NBEAL1: variants seen among roughly 807,000 people sequenced by gnomAD.
NBEAL1 encodes the protein neurobeachin like 1, also known as neurobeachin-like protein 1.
In NBEAL1, 273 loss-of-function variants were observed where a neutral mutation model predicts 351.3. The observed-to-expected ratio is 0.78, with a 90% CI of 0.70 to 0.86. NBEAL1 has a LOEUF of 0.86. Ranked by LOEUF, NBEAL1 falls within the 40% of genes least tolerant of loss-of-function variation. The pLI is 0.00. For missense variants in NBEAL1, 2,961 were observed against 3,201.3 expected (o/e 0.92, Z 1.81); for synonymous variants, 1,050 against 1,086.4 (o/e 0.97, Z 0.66).
intron 10 of NBEAL1, among the ~76,000 whole-genome samples, chr2:203,087,392 C>T (rs1315663881): frequency 1.3e-5 from 2 of 151,972 alleles, no homozygotes; most frequent in South Asian, 2.1e-4. Context: ...AGCCCGGCCC[C>T]TTTTCACCCT....
intron 1 of NBEAL1, chr2:203,015,830 G>C (rs893453499): frequency 6.6e-6 from 1 of 152,360 alleles, no homozygotes; most frequent in African/African-American, 2.4e-5. Flanking sequence ...TGAAATGTCT[G>C]AGATGTGGGC....
At position 203,066,930 on chromosome 2, in the gene NBEAL1, A is replaced by G. The variant is rs1574922619; in HGVS notation, c.516-1463A>G. On this transcript the variant is annotated intron_variant, in intron 6 of 55. Transcript: ENST00000683969. ...CAGAGGCGCTCCCCACCTCCCAGACAAAGGGCAGCCGGGCAGAGGCGCTCC... is the reference window on the plus strand; with the variant it reads ...CAGAGGCGCTCCCCACCTCCCAGACGAAGGGCAGCCGGGCAGAGGCGCTCC... Among the ~76,000 whole-genome samples the G allele has an allele frequency of 6.4e-5, 8 of 125,010 alleles. No homozygotes were observed. The South Asian group carries it at 2.3e-3, about 36-fold the overall frequency. 82.0% of individuals were successfully genotyped at this position (125,010 alleles called of 152,430 possible). A position where few individuals can be genotyped will look rare whatever the true frequency, so the allele number is the denominator to read the frequency against.
At position 203,223,308 on chromosome 2, in the gene NBEAL1, C is replaced by T. The variant is rs567972917; in HGVS notation, c.*5954C>T. ...AATTCAATATTTGTTTTTCATGGTA[C>T]GGTTTTCATGTTTCCTTGGAAACAT... On this transcript the variant is annotated 3_prime_UTR_variant, in exon 56 of 56. Transcript: ENST00000683969. Among the ~76,000 whole-genome samples, 10 of 152,080 alleles carry T rather than the reference C, an allele frequency of 6.6e-5. No individual in the cohort carries two copies. Among genetic ancestry groups the T allele is most frequent in the Admixed American group, 3.9e-4 (6 of 15,258 alleles).
chr2:203,065,264 GA>G (rs551339865), intron 6 of NBEAL1, among the ~76,000 whole-genome samples: 9 of 149,724 alleles, frequency 6.0e-5, no homozygotes, highest in African/African-American at 1.2e-4. Flanking sequence ...GTCTCTAAAA[GA>G]AAAAAAAAAT....
chr2:203,126,210 AATGG>A, intron 21 of NBEAL1, 117 bp downstream of exon 21: 2 of 1,046,164 alleles, frequency 1.9e-6, no homozygotes, highest in African/African-American at 1.7e-5. Context: ...GAATTATATT[AATGG>A]ATATAATTTG....
chr2:203,217,228 C>T, intron 55 of NBEAL1, 25 bp from the exon 56 acceptor site: 2 of 1,456,300 alleles, frequency 1.4e-6, no homozygotes, highest in Non-Finnish European at 9.1e-7. Context: ...ATTTATTCTT[C>T]ATTTCTTTGG....
chr2:203,040,365 C>G, intron 2 of NBEAL1: 1 of 711,856 alleles, frequency 1.4e-6, no homozygotes, highest in Non-Finnish European at 2.5e-6. Context: ...ATAAACATGC[C>G]ATGGCCTTTG....
intron 18 of NBEAL1, among the ~76,000 whole-genome samples, chr2:203,117,056 C>T (rs540551516): frequency 8.0e-4 from 121 of 152,118 alleles, no homozygotes; most frequent in African/African-American, 2.7e-3. Context: ...CAGCTGAGAT[C>T]GTGCCACTGC....
At position 203,136,038 on chromosome 2, in the gene NBEAL1, T is replaced by C; in HGVS notation, c.4175T>C (p.Phe1392Ser). 6.2e-7 allele frequency: 1 copy of C among 1,613,702 alleles called. No homozygotes were observed. The highest frequency in any genetic ancestry group is 8.5e-7 in the Non-Finnish European group (1 of 1,179,842). ...TTCAAATCAGAGAATCAAGAGGAAT[T>C]CTGGCATAGTAACCCTTCACATTTG... ...LSFKSENQEE[F>S]WHSNPSHLSL... Residue 1392 changes from phenylalanine (F) to serine (S), a missense_variant, in exon 28 of 56, where the codon TTC (phenylalanine) becomes TCC (serine). Coordinates refer to ENST00000683969, the MANE Select transcript of NBEAL1 (RefSeq NM_001378026.1).
In NBEAL1 at chr2:203,083,462, C is replaced by T; in HGVS notation, c.928C>T (p.Pro310Ser). Residue 310 changes from proline (P) to serine (S), a missense_variant, in exon 9 of 56, where the codon CCT becomes TCT. Transcript: ENST00000683969. ...KLLNSDHSAL[P>S]NQRRSRQWEN... is the part of the protein sequence containing the mutation. ...GCTAAATTCAGATCATTCAGCTTTACCTAATCAAAGGAGGTCCAGACAGTG... is the reference window on the plus strand; with the variant it reads ...GCTAAATTCAGATCATTCAGCTTTATCTAATCAAAGGAGGTCCAGACAGTG... 1.9e-6 allele frequency: 3 copies of T among 1,552,748 alleles called. No homozygotes were observed. The highest frequency in any genetic ancestry group is 2.6e-6 in the Non-Finnish European group (3 of 1,147,170).
At chr2:203,200,506 C>G (rs2065366545) in intron 49 of NBEAL1, among the ~76,000 whole-genome samples, 1 of 151,484 alleles carries the variant, frequency 6.6e-6, no homozygotes, top group Non-Finnish European at 1.5e-5. Context: ...GAGCAAGACT[C>G]CAACTCAAAA....
chr2:203,071,786 C>T (rs1481780596), intron 7 of NBEAL1, among the ~76,000 whole-genome samples: 1 of 152,214 alleles, frequency 6.6e-6, no homozygotes, highest in Non-Finnish European at 1.5e-5. Flanking sequence ...ATAGGATACA[C>T]ATTCCCATTC....
At chr2:203,016,482 A>G (rs1237905466) in intron 2 of NBEAL1, 47 bp downstream of exon 2, 2 of 1,268,914 alleles carry the variant, frequency 1.6e-6, no homozygotes, top group Admixed American at 5.1e-5. Flanking sequence ...ACTTTATTAT[A>G]AAATTTGTGA....
chr2:203,070,835 A>G (rs1336344713), intron 7 of NBEAL1, among the ~76,000 whole-genome samples: 2 of 152,148 alleles, frequency 1.3e-5, no homozygotes, highest in Non-Finnish European at 2.9e-5. Flanking sequence ...TGATCCAGTC[A>G]TTTCCCACCA....
In NBEAL1 at chr2:203,193,387, G is replaced by C. The variant is rs181951598; in HGVS notation, c.6922-408G>C. Among the ~76,000 whole-genome samples the C allele has an allele frequency of 1.6e-3, 243 of 152,272 alleles. 2 individuals are homozygous for C. Among genetic ancestry groups the C allele is most frequent in the Admixed American group, 0.014 (207 of 15,292 alleles). ...ATCTAACGTGTAAGATACTAGTCTAGTATGGAAATCCAAAAATGAATAAGG... is the reference window on the plus strand; with the variant it reads ...ATCTAACGTGTAAGATACTAGTCTACTATGGAAATCCAAAAATGAATAAGG... On this transcript the variant is annotated intron_variant, in intron 46 of 55. Coordinates refer to ENST00000683969, the MANE Select transcript of NBEAL1 (RefSeq NM_001378026.1).
In NBEAL1 at chr2:203,180,424, C is replaced by T. The variant is rs904385017; in HGVS notation, c.6507C>T (p.Thr2169=). 17 of 1,611,952 alleles carry T rather than the reference C, an allele frequency of 1.1e-5. No homozygotes were observed. The highest frequency in any genetic ancestry group is 1.4e-5 in the Non-Finnish European group (16 of 1,178,882). The change falls in exon 43 of 56, where the codon ACC becomes ACT. Residue 2169 remains threonine, a synonymous_variant. Coordinates refer to ENST00000683969, the MANE Select transcript of NBEAL1 (RefSeq NM_001378026.1). ...GACAGTTCCATTCTATTCCTGCTAC[C>T]TGGCAAGCTCTTATGGATAATCCAT... ...ADRQFHSIPA[T]WQALMDNPYD...
chr2:203,138,508 T>G, intron 30 of NBEAL1, 112 bp from the exon 31 acceptor site: 1 of 1,194,000 alleles, frequency 8.4e-7, no homozygotes, highest in East Asian at 2.5e-5. Context: ...CAACTGAACA[T>G]TGGACTAGCT....
rs191652166 is a variant in NBEAL1, at chr2:203,123,180, C to T, written c.2682+837C>T. On this transcript the variant is annotated intron_variant, in intron 19 of 55. Coordinates refer to ENST00000683969, the MANE Select transcript of NBEAL1 (RefSeq NM_001378026.1). The stretch of plus-strand genomic sequence containing the variant: ...CTAATCAGTTAACACCAACCAAATA[C>T]GTTTATTATTTCAGTGAAAAGAAAT... 3.3e-4 allele frequency among the ~76,000 whole-genome samples: 49 copies of T among 149,292 alleles called. 1 individual carries two copies. The South Asian group carries it at 9.9e-3, about 30-fold the overall frequency.
At chr2:203,025,642 C>T (rs569706696) in intron 2 of NBEAL1, among the ~76,000 whole-genome samples, 9 of 152,180 alleles carry the variant, frequency 5.9e-5, no homozygotes, top group Non-Finnish European at 1.2e-4. Context: ...AAACTCTCAT[C>T]CAATCATGAC....
Sources: gnomAD v4.1 joint callset for allele counts (sites outside exome capture counted in the v4.1 genomes callset) on GRCh38, gnomAD v4.1.1 for gene constraint, MANE v1.5 for transcripts, NCBI Gene and HGNC (gene_info 2026-07-23, HGNC 2026-07-21) for gene names.